The following RBFOX1 variants were observed in gnomAD, a reference collection of about 807,000 sequenced individuals.
The protein encoded by RBFOX1 is RNA binding protein fox-1 homolog 1.
RBFOX1 carries 8 observed loss-of-function variants against 57.7 expected under a neutral mutation model. The observed-to-expected ratio is 0.14, with a 90% CI of 0.08 to 0.25. The LOEUF is 0.25. RBFOX1 is among the 10% of genes least tolerant of loss of function. The pLI is 1.00. For synonymous variants in RBFOX1, 326 were observed against 222.4 expected (o/e 1.47, Z -4.15); for missense variants, 611 against 548.5 (o/e 1.11, Z -1.14).
Position 7,495,798 on chromosome 16 carries a change from C to T in RBFOX1, c.28-22349C>T, listed in dbSNP as rs140644264. On this transcript the variant is annotated intron_variant, in intron 4 of 15. Coordinates refer to ENST00000550418, the MANE Select transcript of RBFOX1 (RefSeq NM_018723.4). ...GGTGCACCAAAATCTCAGAAATCCG[C>T]ACTAGAGAACTTATTCATGTAAGCA... Among the ~76,000 whole-genome samples the T allele has an allele frequency of 7.8e-3, 1,188 of 152,290 alleles. 13 individuals are homozygous for T. Among genetic ancestry groups the T allele is most frequent in the African/African-American group, 0.027 (1,118 of 41,564 alleles).
At chr16:7,123,934 C>G (rs1021160427) in intron 4 of RBFOX1, among the ~76,000 whole-genome samples, 2 of 152,074 alleles carry the variant, frequency 1.3e-5, no homozygotes, top group Admixed American at 6.6e-5. Flanking sequence ...AAAGTGGAAT[C>G]TCTAAGTTGT....
intron 1 of RBFOX1, among the ~76,000 whole-genome samples, chr16:6,311,995 G>T (rs2080375975): frequency 6.6e-6 from 1 of 152,182 alleles, no homozygotes; most frequent in African/African-American, 2.4e-5. Context: ...GTCAGGGGCT[G>T]CTGTGAGGCT....
chr16:5,243,077 A>T (rs1370480081), intron 1 of RBFOX1, among the ~76,000 whole-genome samples: 1 of 151,972 alleles, frequency 6.6e-6, no homozygotes, highest in Non-Finnish European at 1.5e-5. Context: ...CACCCACCCC[A>T]TTGAGAAGGC....
chr16:6,873,640 G>A (rs2061335811), intron 3 of RBFOX1, among the ~76,000 whole-genome samples: 1 of 152,180 alleles, frequency 6.6e-6, no homozygotes, highest in Non-Finnish European at 1.5e-5. Flanking sequence ...CACCAGCCAT[G>A]AGATTCTCTG....
At chr16:6,504,057 T>C (rs534133521) in intron 2 of RBFOX1, among the ~76,000 whole-genome samples, 23 of 152,344 alleles carry the variant, frequency 1.5e-4, no homozygotes, top group African/African-American at 5.5e-4. Flanking sequence ...TCAGCACCAC[T>C]GATAATTTTG....
intron 2 of RBFOX1, among the ~76,000 whole-genome samples, chr16:6,435,842 T>C (rs1169571521): frequency 1.3e-5 from 2 of 152,130 alleles, no homozygotes; most frequent in African/African-American, 2.4e-5. Flanking sequence ...GATGGACTTA[T>C]CTCACATGTG....
chr16:6,120,496 T>C (rs1343955591), intron 1 of RBFOX1, among the ~76,000 whole-genome samples: 2 of 152,162 alleles, frequency 1.3e-5, no homozygotes, highest in Non-Finnish European at 2.9e-5. Context: ...ATCTTGCTTG[T>C]CATGGGATCT....
chr16:5,763,447 C>T (rs549995296), intron 3 of RBFOX1, among the ~76,000 whole-genome samples: 2 of 152,334 alleles, frequency 1.3e-5, no homozygotes, highest in East Asian at 1.9e-4. Context: ...TGGAGGGAGA[C>T]AGCCAGATTC....
intron 1 of RBFOX1, among the ~76,000 whole-genome samples, chr16:6,191,536 A>AT (rs2097141833): frequency 6.6e-6 from 1 of 152,178 alleles, no homozygotes; most frequent in Non-Finnish European, 1.5e-5. Context: ...TTATGAGTAT[A>AT]CCACTGAATG....
At chr16:7,552,844 G>T (rs373400353) in intron 5 of RBFOX1, among the ~76,000 whole-genome samples, 1 of 151,904 alleles carries the variant, frequency 6.6e-6, no homozygotes, top group Admixed American at 6.6e-5. Context: ...CACAACCCCC[G>T]GCTAATTTTT....
At chr16:6,346,536 C>T (rs1340378661) in intron 2 of RBFOX1, among the ~76,000 whole-genome samples, 1 of 152,162 alleles carries the variant, frequency 6.6e-6, no homozygotes, top group East Asian at 1.9e-4. Context: ...TGCTTCCCTA[C>T]CTCACTTCTG....
At chr16:5,715,351 A>T (rs933568483) in intron 3 of RBFOX1, among the ~76,000 whole-genome samples, 2 of 151,992 alleles carry the variant, frequency 1.3e-5, no homozygotes, top group African/African-American at 4.8e-5. Context: ...GCCATAACTC[A>T]CCTCTGTCCC....
intron 5 of RBFOX1, among the ~76,000 whole-genome samples, chr16:7,529,506 A>G (rs1376139494): frequency 1.3e-5 from 2 of 152,176 alleles, no homozygotes; most frequent in East Asian, 3.9e-4. Flanking sequence ...CATCCATCCA[A>G]TCATTGCTAT....
chr16:6,036,396 G>GTTT (rs398058056), intron 1 of RBFOX1, among the ~76,000 whole-genome samples: 2 of 148,216 alleles, frequency 1.3e-5, no homozygotes, highest in African/African-American at 5.0e-5. Flanking sequence ...AATGTTTTGT[G>GTTT]TTTTTTTTTT....
chr16:5,815,369 A>G (rs1452278604), intron 3 of RBFOX1, among the ~76,000 whole-genome samples: 6 of 152,110 alleles, frequency 3.9e-5, no homozygotes, highest in Admixed American at 2.0e-4. Flanking sequence ...CCCTGTTTGG[A>G]GACCCCAGTG....
intron 4 of RBFOX1, among the ~76,000 whole-genome samples, chr16:7,347,624 C>A (rs907411754): frequency 6.6e-6 from 1 of 152,136 alleles, no homozygotes; most frequent in Admixed American, 6.5e-5. Flanking sequence ...GATTGAAAAA[C>A]CCCACTCTAG....
chr16:5,557,866 C>G (rs759071377), intron 2 of RBFOX1, among the ~76,000 whole-genome samples: 24 of 152,298 alleles, frequency 1.6e-4, no homozygotes, highest in Admixed American at 5.2e-4. Flanking sequence ...CGTATAAACT[C>G]AAGACCTTAG....
At chr16:6,176,921 G>C (rs901838657) in intron 1 of RBFOX1, among the ~76,000 whole-genome samples, 2 of 152,146 alleles carry the variant, frequency 1.3e-5, no homozygotes, top group African/African-American at 4.8e-5. Flanking sequence ...TTTGTTTACT[G>C]TGACAACCCC....
intron 1 of RBFOX1, among the ~76,000 whole-genome samples, chr16:5,362,732 A>T (rs1271265345): frequency 3.3e-5 from 5 of 151,580 alleles, no homozygotes; most frequent in Admixed American, 6.6e-5. Flanking sequence ...GACAACCACC[A>T]TTTTGCTCTG....
Sources: gnomAD v4.1 joint callset for allele counts (sites outside exome capture counted in the v4.1 genomes callset) on GRCh38, gnomAD v4.1.1 for gene constraint, MANE v1.5 for transcripts, NCBI Gene and HGNC (gene_info 2026-07-23, HGNC 2026-07-21) for gene names.